RARB: variants seen among roughly 807,000 people sequenced by gnomAD.
RARB encodes HBV-activated protein.
RARB carries 17 observed loss-of-function variants against 51.9 expected under a neutral mutation model. The ratio of observed to expected loss-of-function variants is 0.33; its 90% confidence interval spans 0.22 to 0.49. The LOEUF is 0.49. Among genes scored for constraint, RARB ranks in the 20% least tolerant of loss-of-function variants. The pLI is 0.99. For synonymous variants in RARB, 215 were observed against 195.4 expected (o/e 1.10, Z -0.84); for missense variants, 369 against 550.8 (o/e 0.67, Z 3.30).
intron 2 of RARB, among the ~76,000 whole-genome samples, chr3:25,492,709 C>G (rs966188275): frequency 3.0e-4 from 45 of 152,206 alleles, no homozygotes; most frequent in African/African-American, 1.1e-3. Flanking sequence ...CCTGTAATCT[C>G]TGCCTTCTTT....
At chr3:25,413,276 ACATT>A (rs10543082) in intron 5 of RARB, among the ~76,000 whole-genome samples, 92,801 of 151,316 alleles carry the variant, frequency 0.61, 28,763 homozygotes, top group East Asian at 0.81. Flanking sequence ...TATTTTTGTA[ACATT>A]CATTCACTCT....
chr3:25,205,251 G>A (rs1575218234), intron 5 of RARB, among the ~76,000 whole-genome samples: 1 of 152,178 alleles, frequency 6.6e-6, no homozygotes, highest in East Asian at 1.9e-4. Context: ...CTCCTGCTGT[G>A]CAGTTTGCTA....
intron 3 of RARB, among the ~76,000 whole-genome samples, chr3:25,079,588 T>C (rs1698950113): frequency 1.3e-5 from 2 of 152,240 alleles, no homozygotes; most frequent in African/African-American, 2.4e-5. Flanking sequence ...AGGGTTTCTA[T>C]CATAATATGT....
intron 5 of RARB, among the ~76,000 whole-genome samples, chr3:25,198,637 T>G (rs62235886): frequency 0.031 from 4,732 of 151,742 alleles, 95 homozygotes; most frequent in Non-Finnish European, 0.049. Context: ...AAGATTTGAA[T>G]AGATATTTCT....
chr3:25,115,857 C>A (rs536871629), intron 3 of RARB, among the ~76,000 whole-genome samples: 10 of 152,202 alleles, frequency 6.6e-5, no homozygotes, highest in African/African-American at 2.2e-4. Flanking sequence ...TCTCGAACTT[C>A]TGGCCTCAAA....
chr3:24,965,242 T>C (rs1173452527), intron 2 of RARB, among the ~76,000 whole-genome samples: 1 of 152,104 alleles, frequency 6.6e-6, no homozygotes, highest in East Asian at 1.9e-4. Flanking sequence ...TGTATCTATC[T>C]GGGTGCCTAG....
chr3:25,541,805 T>C (rs937660215), intron 3 of RARB, among the ~76,000 whole-genome samples: 1 of 152,214 alleles, frequency 6.6e-6, no homozygotes. Context: ...AGTCTCCAAC[T>C]GCTTTACAGA....
At chr3:25,091,747 AAAG>A (rs1275000886) in intron 3 of RARB, among the ~76,000 whole-genome samples, 5 of 152,144 alleles carry the variant, frequency 3.3e-5, no homozygotes, top group Non-Finnish European at 7.4e-5. Flanking sequence ...CTGTATAAAA[AAAG>A]ACAAAAAATA....
intron 2 of RARB, among the ~76,000 whole-genome samples, chr3:25,040,498 C>G (rs1440877612): frequency 2.6e-5 from 4 of 152,124 alleles, no homozygotes; most frequent in Non-Finnish European, 5.9e-5. Flanking sequence ...TTTGGGAGGC[C>G]TAGGTCGGCA....
chr3:25,345,728 A>T (rs1559365900), intron 5 of RARB, among the ~76,000 whole-genome samples: 1 of 152,140 alleles, frequency 6.6e-6, no homozygotes, highest in Non-Finnish European at 1.5e-5. Context: ...AGGAAAAGCT[A>T]AAAAGATATT....
At chr3:25,339,633 C>A (rs11920829) in intron 5 of RARB, among the ~76,000 whole-genome samples, 54,693 of 150,310 alleles carry the variant, frequency 0.36, 10,646 homozygotes, top group South Asian at 0.5. Context: ...GCATTTCCCC[C>A]AAAAAAAGGC....
intron 1 of RARB, among the ~76,000 whole-genome samples, chr3:24,856,546 AT>A: frequency 6.6e-6 from 1 of 152,254 alleles, no homozygotes; most frequent in Non-Finnish European, 1.5e-5. Context: ...TCGTTGACTT[AT>A]GTCGTTATGC....
chr3:25,237,248 T>C (rs1702323959), intron 5 of RARB, among the ~76,000 whole-genome samples: 1 of 152,140 alleles, frequency 6.6e-6, no homozygotes, highest in Non-Finnish European at 1.5e-5. Flanking sequence ...TGAGATGATC[T>C]CATTAAAAGT....
At chr3:25,069,130 CA>C (rs1698720712) in intron 3 of RARB, among the ~76,000 whole-genome samples, 1 of 151,516 alleles carries the variant, frequency 6.6e-6, no homozygotes, top group African/African-American at 2.4e-5. Flanking sequence ...GATAGCTATG[CA>C]AAGAGAAGGG....
chr3:24,940,810 C>T (rs1044876605), intron 2 of RARB, among the ~76,000 whole-genome samples: 1 of 152,120 alleles, frequency 6.6e-6, no homozygotes, highest in South Asian at 2.1e-4. Flanking sequence ...CCCTTACTGA[C>T]GTTGTCAACT....
intron 2 of RARB, among the ~76,000 whole-genome samples, chr3:24,884,376 T>G (rs1703231691): frequency 6.6e-6 from 1 of 152,116 alleles, no homozygotes; most frequent in African/African-American, 2.4e-5. Context: ...AAGGGCTAGT[T>G]TAAGGGAAAG....
chr3:24,988,960 G>C (rs891632109), intron 2 of RARB, among the ~76,000 whole-genome samples: 1 of 152,214 alleles, frequency 6.6e-6, no homozygotes, highest in Non-Finnish European at 1.5e-5. Flanking sequence ...TGAGTAGCTG[G>C]GATTACAGGC....
chr3:25,323,795 T>C (rs77309070), intron 5 of RARB, among the ~76,000 whole-genome samples: 27,442 of 152,074 alleles, frequency 0.18, 2,579 homozygotes, highest in African/African-American at 0.22. Flanking sequence ...AGGGATAAGA[T>C]TTAGAAATTA....
chr3:25,209,061 G>T (rs1262460035), intron 5 of RARB, among the ~76,000 whole-genome samples: 5 of 152,238 alleles, frequency 3.3e-5, no homozygotes, highest in Non-Finnish European at 5.9e-5. Context: ...GAAGGCTGAA[G>T]ACGTGTCACC....
Sources: allele counts gnomAD v4.1 joint callset (sites outside exome capture counted in the v4.1 genomes callset), GRCh38; gene constraint gnomAD v4.1.1; transcripts MANE v1.5; gene names NCBI Gene and HGNC (gene_info 2026-07-23, HGNC 2026-07-21).